The following TIMELESS variants were observed in gnomAD, a reference collection of about 807,000 sequenced individuals.
The protein encoded by TIMELESS is timeless circadian regulator, also known as protein timeless homolog.
A neutral mutation model predicts 164.3 loss-of-function variants in TIMELESS; 124 were observed. That is an observed-to-expected ratio of 0.75 (90% CI 0.65 to 0.88). The LOEUF (loss-of-function observed/expected upper bound fraction) is 0.88, where lower values mean the gene tolerates loss of function less well. Ranked by LOEUF, TIMELESS falls within the 40% of genes least tolerant of loss-of-function variation. The pLI, the probability that TIMELESS is intolerant of heterozygous loss-of-function variation, is 0.00. For missense variants in TIMELESS, 1,422 were observed against 1,491.4 expected, an observed-to-expected ratio of 0.95 and a Z score of 0.77; for synonymous variants, 564 against 563.4, an observed-to-expected ratio of 1.00 and a Z score of -0.02.
At position 56,421,327 on chromosome 12, in the gene TIMELESS, GCAGAGCTAGGGTCAGATTGTTAC is replaced by G; in HGVS notation, c.2868+1_2868+23del. The stretch of plus-strand genomic sequence containing the variant: ...CTTCAAGGGAAGTGAGCCCATGCCA[GCAGAGCTAGGGTCAGATTGTTAC>G]CAAGATGGAGGATGCCAACTTTTTC... On this transcript the variant is annotated splice_donor_variant and splice_donor_5th_base_variant and intron_variant, in intron 23 of 28. Coordinates refer to ENST00000553532, the MANE Select transcript of TIMELESS (RefSeq NM_003920.5). LOFTEE classifies it high-confidence loss of function. 1.2e-6 allele frequency: 2 copies of G among 1,608,996 alleles called. No homozygotes were observed. The highest frequency in any genetic ancestry group is 1.7e-6 in the Non-Finnish European group (2 of 1,177,264).
intron 22 of TIMELESS, 108 bp from the exon 23 acceptor site, chr12:56,421,601 C>G: frequency 6.6e-7 from 1 of 1,525,886 alleles, no homozygotes; most frequent in Non-Finnish European, 9.0e-7. Context: ...AAAAATGACA[C>G]TTACAAATAT....
At chr12:56,433,964 G>A (rs1565685905) in intron 2 of TIMELESS, 38 bp from the exon 3 acceptor site, 4 of 1,612,750 alleles carry the variant, frequency 2.5e-6, no homozygotes, top group Non-Finnish European at 3.4e-6. Flanking sequence ...TGGAACCTTG[G>A]AAGAAGCTCC....
intron 6 of TIMELESS, 72 bp from the exon 7 acceptor site, chr12:56,432,596 T>C: frequency 9.0e-6 from 14 of 1,559,184 alleles, no homozygotes; most frequent in Non-Finnish European, 1.1e-5. Flanking sequence ...GCTCTCCAAC[T>C]CATTCTTTGA....
In TIMELESS at chr12:56,428,656, A is replaced by G. The variant is rs1459051093; in HGVS notation, c.1305-4T>C. 1.9e-6 allele frequency: 3 copies of G among 1,612,898 alleles called. No homozygotes were observed. Among genetic ancestry groups the G allele is most frequent in the Admixed American group, 3.3e-5 (2 of 60,002 alleles). On this transcript the variant is annotated splice_polypyrimidine_tract_variant and splice_region_variant and intron_variant, in intron 11 of 28. Transcript: ENST00000553532. ...GGCCTTCAGAGCCAAGTGCATCCTG[A>G]GAGTTGACGGGAAACGGTGAAATGG... is the stretch of plus-strand genomic sequence containing the variant.
intron 26 of TIMELESS, 81 bp downstream of exon 26, chr12:56,420,488 C>T: frequency 1.7e-6 from 2 of 1,166,198 alleles, no homozygotes; most frequent in Non-Finnish European, 1.3e-6. Context: ...GGAGGACCAC[C>T]ATGACAGTGA....
chr12:56,430,182 T>G lies in TIMELESS; in HGVS notation c.1009A>C (p.Asn337His), dbSNP rs1394403304. The G allele has an allele frequency of 1.2e-6, 2 of 1,613,924 alleles. No homozygotes were observed. Among genetic ancestry groups the G allele is most frequent in the Admixed American group, 1.7e-5 (1 of 59,988 alleles). The part of the protein sequence containing the change: ...ELSIQRRSAL[N>H]VRLFLRDFCS... ...AAGTCTCTGAGGAAGAGCCTCACAT[T>G]GAGGGCAGAACGGCGCTGAATGGAC... The change falls in exon 10 of 29, where the codon AAT becomes CAT. Residue 337 changes from asparagine (N) to histidine (H), a missense_variant. Coordinates refer to ENST00000553532, the MANE Select transcript of TIMELESS (RefSeq NM_003920.5).
At chr12:56,425,391 A>G (rs1881645889) in intron 13 of TIMELESS, among the ~76,000 whole-genome samples, 1 of 152,198 alleles carries the variant, frequency 6.6e-6, no homozygotes, top group Non-Finnish European at 1.5e-5. Flanking sequence ...TAAAAGCTAT[A>G]ATGTGAGTGA....
chr12:56,436,466 G>A (rs922706201), intron 1 of TIMELESS, among the ~76,000 whole-genome samples: 1 of 151,978 alleles, frequency 6.6e-6, no homozygotes, highest in Non-Finnish European at 1.5e-5. Context: ...AAAATAAATA[G>A]AAATAAATAA....
chr12:56,424,669 A>C (rs751771768), intron 15 of TIMELESS, 93 bp downstream of exon 15: 209 of 1,470,968 alleles, frequency 1.4e-4, no homozygotes, highest in Non-Finnish European at 1.8e-4. Flanking sequence ...CCTTGATGAG[A>C]CAACTCTCTT....
intron 23 of TIMELESS, 59 bp downstream of exon 23, chr12:56,421,292 C>T: frequency 6.3e-7 from 1 of 1,594,780 alleles, no homozygotes; most frequent in Non-Finnish European, 8.5e-7. Flanking sequence ...TGGACTGCTC[C>T]TAAGGACCAC....
At position 56,422,975 on chromosome 12, in the gene TIMELESS, G is replaced by A. The variant is rs745608053; in HGVS notation, c.2310C>T (p.Ala770=). 1.2e-6 allele frequency: 2 copies of A among 1,613,798 alleles called. No individual in the cohort carries two copies. Among genetic ancestry groups the A allele is most frequent in the Admixed American group, 1.7e-5 (1 of 59,982 alleles). The change falls in exon 19 of 29, where the codon GCC becomes GCT. Residue 770 remains alanine (A), a synonymous_variant. Coordinates refer to ENST00000553532, the MANE Select transcript of TIMELESS (RefSeq NM_003920.5). ...AGAYKELVTF[A]KYILGKFFAL... ...CAAAAAATTTGCCCAGGATGTATTTGGCAAAAGTCACTAGCTCCTGTAGGA... is the reference window on the plus strand; with the variant it reads ...CAAAAAATTTGCCCAGGATGTATTTAGCAAAAGTCACTAGCTCCTGTAGGA...
intron 1 of TIMELESS, among the ~76,000 whole-genome samples, chr12:56,448,591 T>C (rs1357732329): frequency 6.6e-6 from 1 of 150,782 alleles, no homozygotes; most frequent in Admixed American, 6.6e-5. Flanking sequence ...TAGCCGGGCA[T>C]GGTGGCGCGC....
chr12:56,427,772 C>T (rs1420982881), intron 13 of TIMELESS, among the ~76,000 whole-genome samples: 2 of 151,866 alleles, frequency 1.3e-5, no homozygotes, highest in Non-Finnish European at 2.9e-5. Flanking sequence ...GACGGGGTTT[C>T]ACCATGTTGG....
At chr12:56,425,290 A>G in intron 13 of TIMELESS, 138 bp from the exon 14 acceptor site, 1 of 1,071,636 alleles carries the variant, frequency 9.3e-7, no homozygotes. Context: ...AATAGAAAGC[A>G]ATAGTGAACA....
intron 13 of TIMELESS, 132 bp from the exon 14 acceptor site, chr12:56,425,284 G>C (rs1881643199): frequency 9.0e-7 from 1 of 1,116,616 alleles, no homozygotes; most frequent in Non-Finnish European, 1.2e-6. Context: ...ATCGGTAATA[G>C]AAAGCAATAG....
At chr12:56,442,741 G>A (rs916938950) in intron 1 of TIMELESS, among the ~76,000 whole-genome samples, 42 of 152,140 alleles carry the variant, frequency 2.8e-4, no homozygotes, top group African/African-American at 9.7e-4. Context: ...ATGATGTTGC[G>A]GGAAGTCAGG....
In TIMELESS at chr12:56,423,640, C is replaced by A. The variant is rs201415917; in HGVS notation, c.2034G>T (p.Glu678Asp). ...EEEEEEEEEE[E>D]LQVVQVSEKE... is the part of the protein sequence containing the mutation. ...TCTCCGACACCTGGACCACTTGCAA[C>A]TCCTCCTCTTCCTCCTCCTCCTCCT... is the stretch of plus-strand genomic sequence containing the variant. Residue 678 changes from glutamate to aspartate, a missense_variant, in exon 17 of 29, where the codon GAG becomes GAT. Coordinates refer to ENST00000553532, the MANE Select transcript of TIMELESS (RefSeq NM_003920.5). 2 of 1,614,050 alleles carry A rather than the reference C, an allele frequency of 1.2e-6. No homozygotes were observed. Among genetic ancestry groups the A allele is most frequent in the East Asian group, 4.5e-5 (2 of 44,882 alleles).
intron 1 of TIMELESS, among the ~76,000 whole-genome samples, chr12:56,442,848 T>C (rs1252301204): frequency 1.3e-5 from 2 of 152,364 alleles, no homozygotes; most frequent in East Asian, 3.9e-4. Flanking sequence ...AATACTTTCA[T>C]AATTTATTAC....
intron 10 of TIMELESS, among the ~76,000 whole-genome samples, chr12:56,429,570 C>T (rs947020262): frequency 2.8e-4 from 39 of 138,452 alleles, no homozygotes; most frequent in Non-Finnish European, 4.1e-4. Context: ...GGTCTGATCT[C>T]GGCTCACTGC....
Sources: allele counts gnomAD v4.1 joint callset (sites outside exome capture counted in the v4.1 genomes callset), GRCh38; gene constraint gnomAD v4.1.1; transcripts MANE v1.5; gene names NCBI Gene and HGNC (gene_info 2026-07-23, HGNC 2026-07-21).